KCNQ1: variants seen among roughly 807,000 people sequenced by gnomAD.
KCNQ1 encodes potassium voltage-gated channel subfamily KQT member 1.
A neutral mutation model predicts 72.4 loss-of-function variants in KCNQ1; 49 were observed. The ratio of observed to expected loss-of-function variants is 0.68; its 90% CI spans 0.54 to 0.86. KCNQ1 has a LOEUF of 0.86. KCNQ1 is among the 40% of genes least tolerant of loss of function. KCNQ1 has a pLI of 0.00. For synonymous variants in KCNQ1, 450 were observed against 412.6 expected (o/e 1.09, Z -1.10); for missense variants, 790 against 945.1 (o/e 0.84, Z 2.15).
In KCNQ1 at chr11:2,627,196, G is replaced by A. The variant is rs1849274824; in HGVS notation, c.1394-34765G>A. ...GATGCTTTTTTCAGCTTTTATTGAGGTATAATTGACAAATTAAAAGTGCAT... is the reference window on the plus strand; with the variant it reads ...GATGCTTTTTTCAGCTTTTATTGAGATATAATTGACAAATTAAAAGTGCAT... On this transcript the variant is annotated intron_variant, in intron 10 of 15. Transcript: ENST00000155840. This position sits in a 1 kb window ranked among gnomAD's most constrained non-coding sequence, Gnocchi z 4.9. The A allele has an allele frequency of 2.5e-6, 1 of 398,224 alleles. No individual in the cohort carries two copies. Among genetic ancestry groups the A allele is most frequent in the Non-Finnish European group, 4.4e-6 (1 of 226,022 alleles). The allele number at this position is 398,224 out of a possible 1,614,324, so 24.7% of individuals were successfully genotyped here. A position where few individuals can be genotyped will look rare whatever the true frequency, so the allele number is the denominator to read the frequency against.
intron 12 of KCNQ1, among the ~76,000 whole-genome samples, chr11:2,775,473 G>T (rs909675290): frequency 2.0e-5 from 3 of 152,228 alleles, no homozygotes; most frequent in Non-Finnish European, 4.4e-5. Flanking sequence ...ATGCAGAGGA[G>T]ACCCGCTCCC....
At chr11:2,528,089 C>T in intron 2 of KCNQ1, 71 bp downstream of exon 2, 1 of 1,317,962 alleles carries the variant, frequency 7.6e-7, no homozygotes, top group African/African-American at 1.7e-5. Context: ...TGGCGCTGGG[C>T]CCCATAAGGT....
intron 11 of KCNQ1, among the ~76,000 whole-genome samples, chr11:2,701,215 T>C (rs1258293256): frequency 2.6e-5 from 4 of 152,172 alleles, no homozygotes; most frequent in Admixed American, 2.0e-4. Flanking sequence ...GTGACCGGGT[T>C]GGGGGTTTTG....
Position 2,720,330 on chromosome 11 carries a change from C to T in KCNQ1, c.1515-48514C>T, listed in dbSNP as rs1464666747. Among the ~76,000 whole-genome samples the T allele has an allele frequency of 2.0e-5, 3 of 152,174 alleles. No individual in the cohort carries two copies. The highest frequency in any genetic ancestry group is 4.4e-5 in the Non-Finnish European group (3 of 68,038). On this transcript the variant is annotated intron_variant, in intron 11 of 15. Transcript: ENST00000155840. This position sits in a 1 kb window ranked among gnomAD's most constrained non-coding sequence, Gnocchi z 5.1. ...TCCATCCTATGTGTACACTCAGGCA[C>T]GTACTCCCTGGCTCAGCCGCCTTCC... is the stretch of plus-strand genomic sequence containing the variant.
At chr11:2,455,519 A>G (rs983677164) in intron 1 of KCNQ1, among the ~76,000 whole-genome samples, 1 of 152,232 alleles carries the variant, frequency 6.6e-6, no homozygotes, top group Admixed American at 6.5e-5. Context: ...CAAGGAGGTG[A>G]AAGATCTCTA....
rs1846500708 is a variant in KCNQ1 at position 2,766,529 on chromosome 11, C to T, written c.1515-2315C>T. Among the ~76,000 whole-genome samples, 1 of 152,158 alleles carries T rather than the reference C, an allele frequency of 6.6e-6. No individual in the cohort carries two copies. Among genetic ancestry groups the T allele is most frequent in the Non-Finnish European group, 1.5e-5 (1 of 68,032 alleles). On this transcript the variant is annotated intron_variant, in intron 11 of 15. Coordinates refer to ENST00000155840, the MANE Select transcript of KCNQ1 (RefSeq NM_000218.3). This position sits in a 1 kb window ranked among gnomAD's most constrained non-coding sequence, Gnocchi z 4.4. ...GAGCTTCAGAAGACATGATCATTTCCACCATGGTGGAGATAGACTCTAGCC... is the reference window on the plus strand; with the variant it reads ...GAGCTTCAGAAGACATGATCATTTCTACCATGGTGGAGATAGACTCTAGCC...
chr11:2,661,757 C>G lies in KCNQ1; in HGVS notation c.1394-204C>G. 1.6e-6 allele frequency: 1 copy of G among 642,784 alleles called. No individual in the cohort carries two copies. The highest frequency in any genetic ancestry group is 2.8e-6 in the Non-Finnish European group (1 of 357,998). The allele number at this position is 642,784 out of a possible 1,614,324, so 39.8% of individuals were successfully genotyped here. On this transcript the variant is annotated intron_variant, in intron 10 of 15. Coordinates refer to ENST00000155840, the MANE Select transcript of KCNQ1 (RefSeq NM_000218.3). This position sits in a 1 kb window ranked among gnomAD's most constrained non-coding sequence, Gnocchi z 5.9. ...ATGATTCACTGGCCTTTATTCTCCT[C>G]AGACACTGAGGTGTCAGGCACTTTG...
intron 1 of KCNQ1, among the ~76,000 whole-genome samples, chr11:2,523,652 G>T (rs979868554): frequency 5.3e-5 from 8 of 152,128 alleles, no homozygotes; most frequent in African/African-American, 1.7e-4. Flanking sequence ...GTGAAGTGGG[G>T]TTATCTCAGC....
intron 1 of KCNQ1, among the ~76,000 whole-genome samples, chr11:2,448,079 C>T (rs1189772153): frequency 1.3e-5 from 2 of 152,246 alleles, no homozygotes; most frequent in South Asian, 2.1e-4. Context: ...GGGCAGCTCC[C>T]ATCTTAGCTG....
Position 2,687,597 on chromosome 11 carries a change from GA to G in KCNQ1, c.1514+25518del, listed in dbSNP as rs2133887997. 2.5e-6 allele frequency: 1 copy of G among 398,726 alleles called. No individual in the cohort carries two copies. The allele number at this position is 398,726 out of a possible 1,614,324, so 24.7% of individuals were successfully genotyped here. A position where few individuals can be genotyped will look rare whatever the true frequency, so the allele number is the denominator to read the frequency against. On this transcript the variant is annotated intron_variant, in intron 11 of 15. Coordinates refer to ENST00000155840, the MANE Select transcript of KCNQ1 (RefSeq NM_000218.3). This position sits in a 1 kb window ranked among gnomAD's most constrained non-coding sequence, Gnocchi z 5.0. ...TGTCAAGGAGGTGTGACTGAGAAAG[GA>G]AGGGGCAGAGATCCCTTCTCCATTC...
chr11:2,472,195 ATG>A (rs770020174), intron 1 of KCNQ1, among the ~76,000 whole-genome samples: 4 of 108,934 alleles, frequency 3.7e-5, no homozygotes, highest in African/African-American at 1.4e-4. Flanking sequence ...GTGCATGTCT[ATG>A]TGTGCACATG....
chr11:2,628,178 C>T (rs1849290965), intron 10 of KCNQ1: 1 of 398,602 alleles, frequency 2.5e-6, no homozygotes, highest in East Asian at 3.6e-5. Flanking sequence ...GATCATATAG[C>T]AGTTCCAATT....
chr11:2,736,655 C>A (rs1845961944), intron 11 of KCNQ1, among the ~76,000 whole-genome samples: 1 of 152,208 alleles, frequency 6.6e-6, no homozygotes, highest in Non-Finnish European at 1.5e-5. Context: ...CCCAACCTAG[C>A]CCCTTCCAGG....
At chr11:2,638,933 G>A (rs1849524546) in intron 10 of KCNQ1, 2 of 151,978 alleles carry the variant, frequency 1.3e-5, no homozygotes, top group African/African-American at 2.4e-5. Flanking sequence ...TTTTTTCTCT[G>A]AACTTCTCTT....
chr11:2,573,482 T>C (rs959627432), intron 6 of KCNQ1, among the ~76,000 whole-genome samples: 1 of 152,202 alleles, frequency 6.6e-6, no homozygotes, highest in African/African-American at 2.4e-5. Flanking sequence ...AAGACCATGA[T>C]GGCTCAAGAG....
In KCNQ1 at chr11:2,713,829, G is replaced by A. The variant is rs151294277; in HGVS notation, c.1514+51748G>A. 4.0e-4 allele frequency among the ~76,000 whole-genome samples: 61 copies of A among 152,368 alleles called. No homozygotes were observed. In the East Asian group the frequency reaches 7.3e-3, roughly 18 times the overall value. ...TCAGAGGATATACCGTATTCTGGCCGTCTTACATTACTGCAATATTGCTTC... is the reference window on the plus strand; with the variant it reads ...TCAGAGGATATACCGTATTCTGGCCATCTTACATTACTGCAATATTGCTTC... On this transcript the variant is annotated intron_variant, in intron 11 of 15. Transcript: ENST00000155840. The surrounding 1 kb of genome is among the most constrained non-coding windows in gnomAD (Gnocchi z 5.6).
chr11:2,550,149 C>T lies in KCNQ1; in HGVS notation c.478-20479C>T, dbSNP rs1357789660. ...CTGTAGAGAACCAGAGCTGCCGAGC[C>T]CCGGCCTGGATGGACATCCCGCAGG... is the stretch of plus-strand genomic sequence containing the variant. On this transcript the variant is annotated intron_variant, in intron 2 of 15. Transcript: ENST00000155840. This position sits in a 1 kb window ranked among gnomAD's most constrained non-coding sequence, Gnocchi z 6.0. 6.6e-6 allele frequency among the ~76,000 whole-genome samples: 1 copy of T among 152,212 alleles called. No homozygotes were observed. The highest frequency in any genetic ancestry group is 2.4e-5 in the African/African-American group (1 of 41,454).
rs1025565106 is a variant in KCNQ1 at position 2,808,076 on chromosome 11, C to G, written c.1794+30039C>G. Among the ~76,000 whole-genome samples, 5 of 152,194 alleles carry G rather than the reference C, an allele frequency of 3.3e-5. No individual in the cohort carries two copies. The highest frequency in any genetic ancestry group is 6.5e-5 in the Admixed American group (1 of 15,286). ...GTGCCCGGCACGTGGCAAGTGAAGG[C>G]GGCTGCTTCCCGCCCCTCTCATGGA... On this transcript the variant is annotated intron_variant, in intron 15 of 15. Transcript: ENST00000155840. The surrounding 1 kb of genome is among the most constrained non-coding windows in gnomAD (Gnocchi z 6.0).
intron 1 of KCNQ1, among the ~76,000 whole-genome samples, chr11:2,445,957 TC>T (rs1846030955): frequency 6.6e-6 from 1 of 152,084 alleles, no homozygotes; most frequent in South Asian, 2.1e-4. Context: ...CAGGGGGCTG[TC>T]CAGGATAGGA....
Sources: allele counts gnomAD v4.1 joint callset (sites outside exome capture counted in the v4.1 genomes callset), GRCh38; gene constraint gnomAD v4.1.1; non-coding constraint Gnocchi (gnomAD v3.1); transcripts MANE v1.5; gene names NCBI Gene and HGNC (gene_info 2026-07-23, HGNC 2026-07-21).